SPON1: variants seen among roughly 807,000 people sequenced by gnomAD.
SPON1 encodes the protein spondin-1.
Under a neutral mutation model 111.7 loss-of-function variants are expected in SPON1, and 52 were observed. The observed-to-expected ratio is 0.47, with a 90% CI of 0.37 to 0.59. SPON1 has a LOEUF of 0.59. Ranked by LOEUF, SPON1 falls within the 20% of genes least tolerant of loss-of-function variation. SPON1 has a pLI of 0.00. For missense variants in SPON1, 957 were observed against 1,068.5 expected (o/e 0.90, Z 1.46); for synonymous variants, 410 against 395.8 (o/e 1.04, Z -0.43).
intron 3 of SPON1, among the ~76,000 whole-genome samples, chr11:14,072,545 C>T (rs562827283): frequency 4.6e-5 from 7 of 151,952 alleles, no homozygotes; most frequent in African/African-American, 1.2e-4. Context: ...GAGGCCTGGT[C>T]GAGTTGAAGA....
At position 14,259,190 on chromosome 11, in the gene SPON1, G is replaced by C; in HGVS notation, c.1493-90G>C. ...CAACCTCAACTGCCTGACTCCTCTT[G>C]ATTCCCGCTGGCGGGAAGTTCCCAC... On this transcript the variant is annotated intron_variant, in intron 11 of 15. Coordinates refer to ENST00000576479, the MANE Select transcript of SPON1 (RefSeq NM_006108.4). This position sits in a 1 kb window ranked among gnomAD's most constrained non-coding sequence, Gnocchi z 5.0. 2 of 1,413,644 alleles carry C rather than the reference G, an allele frequency of 1.4e-6. No individual in the cohort carries two copies. Among genetic ancestry groups the C allele is most frequent in the Non-Finnish European group, 1.9e-6 (2 of 1,059,250 alleles). The allele number at this position is 1,413,644 out of a possible 1,614,324, so 87.6% of individuals were successfully genotyped here.
intron 6 of SPON1, among the ~76,000 whole-genome samples, chr11:14,198,935 G>A (rs566053255): frequency 4.2e-4 from 64 of 152,264 alleles, no homozygotes; most frequent in African/African-American, 1.4e-3. Flanking sequence ...TGAGGTTTCC[G>A]AAAGATGACC....
At chr11:14,091,141 G>T (rs1217878635) in intron 5 of SPON1, among the ~76,000 whole-genome samples, 1 of 152,142 alleles carries the variant, frequency 6.6e-6, no homozygotes, top group African/African-American at 2.4e-5. Context: ...GATACAGAGT[G>T]TCGATTGGTG....
chr11:14,160,189 T>G (rs1554930788), intron 6 of SPON1, among the ~76,000 whole-genome samples: 1 of 150,302 alleles, frequency 6.7e-6, no homozygotes, highest in African/African-American at 2.4e-5. Flanking sequence ...TTTTTAAATT[T>G]TTTTTAAAAA....
chr11:14,014,733 G>C (rs1848432343), intron 2 of SPON1, among the ~76,000 whole-genome samples: 1 of 152,202 alleles, frequency 6.6e-6, no homozygotes, highest in Non-Finnish European at 1.5e-5. Flanking sequence ...CAAAACACAG[G>C]AAGCATTTCC....
At chr11:14,017,203 G>T (rs1011089116) in intron 2 of SPON1, among the ~76,000 whole-genome samples, 24 of 152,140 alleles carry the variant, frequency 1.6e-4, no homozygotes, top group Admixed American at 1.4e-3. Context: ...AGGTATAACT[G>T]GTTCAGGACC....
At chr11:14,221,493 A>G (rs1591416343) in intron 6 of SPON1, among the ~76,000 whole-genome samples, 1 of 152,224 alleles carries the variant, frequency 6.6e-6, no homozygotes, top group East Asian at 1.9e-4. Flanking sequence ...GAACATAAAC[A>G]CATTTTTAAA....
intron 6 of SPON1, among the ~76,000 whole-genome samples, chr11:14,172,592 G>A (rs1399712104): frequency 1.3e-5 from 2 of 151,934 alleles, no homozygotes; most frequent in Non-Finnish European, 2.9e-5. Flanking sequence ...TAGCCTCGAT[G>A]GTCTTTACAA....
intron 6 of SPON1, among the ~76,000 whole-genome samples, chr11:14,146,609 C>T (rs960697088): frequency 1.5e-4 from 23 of 152,120 alleles, no homozygotes; most frequent in African/African-American, 4.6e-4. Context: ...TACAGGCTGA[C>T]GCTATAGAAA....
chr11:14,115,272 G>T (rs782185277), intron 5 of SPON1, among the ~76,000 whole-genome samples: 1 of 152,118 alleles, frequency 6.6e-6, no homozygotes, highest in Non-Finnish European at 1.5e-5. Flanking sequence ...TTATTAAAAG[G>T]GAACTTTTTA....
chr11:13,970,400 A>G (rs1473983612), intron 1 of SPON1, among the ~76,000 whole-genome samples: 1 of 152,234 alleles, frequency 6.6e-6, no homozygotes, highest in Non-Finnish European at 1.5e-5. Context: ...ACCCATAGGA[A>G]ATAACTTGAA....
intron 6 of SPON1, among the ~76,000 whole-genome samples, chr11:14,152,213 C>T (rs1004930157): frequency 2.6e-5 from 4 of 152,172 alleles, no homozygotes; most frequent in African/African-American, 4.8e-5. Context: ...CTTTAGACCT[C>T]GGTTCACTGA....
intron 6 of SPON1, chr11:14,224,792 G>A (rs1554937966): frequency 4.2e-6 from 2 of 474,454 alleles, no homozygotes; most frequent in South Asian, 1.6e-5. Context: ...GCCAAAGGGT[G>A]AGCCCTTGGG....
intron 2 of SPON1, among the ~76,000 whole-genome samples, chr11:14,033,024 C>A (rs556319634): frequency 6.4e-4 from 97 of 152,284 alleles, no homozygotes; most frequent in Non-Finnish European, 1.1e-3. Flanking sequence ...CACTGAGTCC[C>A]CTGAGTTGTT....
chr11:14,022,936 G>A (rs782639184), intron 2 of SPON1, among the ~76,000 whole-genome samples: 3 of 152,216 alleles, frequency 2.0e-5, no homozygotes, highest in South Asian at 2.1e-4. Flanking sequence ...CAGCTGCCAC[G>A]GAAGCCTCAG....
intron 3 of SPON1, among the ~76,000 whole-genome samples, chr11:14,059,217 G>T (rs1316683824): frequency 1.3e-5 from 2 of 152,186 alleles, no homozygotes; most frequent in Non-Finnish European, 2.9e-5. Context: ...TGCAGAGTCA[G>T]CACAGCTCAT....
At chr11:13,995,264 G>A (rs1409520510) in intron 2 of SPON1, among the ~76,000 whole-genome samples, 1 of 150,650 alleles carries the variant, frequency 6.6e-6, no homozygotes. Flanking sequence ...AACATACTAG[G>A]CTCTGTGATA....
chr11:14,107,613 G>T (rs1849195508), intron 5 of SPON1, among the ~76,000 whole-genome samples: 1 of 131,650 alleles, frequency 7.6e-6, no homozygotes, highest in Non-Finnish European at 1.6e-5. Context: ...AAAAAAAAAT[G>T]AAAGAGGGCT....
intron 5 of SPON1, among the ~76,000 whole-genome samples, chr11:14,133,156 T>G (rs1847546278): frequency 6.6e-6 from 1 of 152,204 alleles, no homozygotes; most frequent in South Asian, 2.1e-4. Flanking sequence ...GGAACTCTGC[T>G]GAAATAAGAC....
Sources: allele counts gnomAD v4.1 joint callset (sites outside exome capture counted in the v4.1 genomes callset), GRCh38; gene constraint gnomAD v4.1.1; non-coding constraint Gnocchi (gnomAD v3.1); transcripts MANE v1.5; gene names NCBI Gene and HGNC (gene_info 2026-07-23, HGNC 2026-07-21).